Variants in ABI3BP observed in about 807,000 individuals in gnomAD.
ABI3BP encodes target of Nesh-SH3.
ABI3BP carries 216 observed loss-of-function variants against 268.6 expected under a neutral mutation model. The ratio of observed to expected loss-of-function variants is 0.80; its 90% CI spans 0.72 to 0.90. The LOEUF (loss-of-function observed/expected upper bound fraction) is 0.90. Ranked by LOEUF, ABI3BP falls within the 40% of genes least tolerant of loss-of-function variation. The pLI is 0.00. For missense variants in ABI3BP, 2,090 were observed against 2,182.4 expected (o/e 0.96, Z 0.84); for synonymous variants, 730 against 730.0 (o/e 1.00, Z 0.00).
At chr3:100,955,452 A>G (rs1274927083) in intron 1 of ABI3BP, among the ~76,000 whole-genome samples, 3 of 152,188 alleles carry the variant, frequency 2.0e-5, no homozygotes, top group African/African-American at 7.2e-5. Flanking sequence ...TGCATTTAGC[A>G]ACTATTAAAT....
intron 4 of ABI3BP, among the ~76,000 whole-genome samples, chr3:100,894,668 G>C (rs778950947): frequency 6.6e-6 from 1 of 152,030 alleles, no homozygotes; most frequent in Non-Finnish European, 1.5e-5. Context: ...GGCCGGGCGC[G>C]GTGGCTCACG....
At chr3:100,870,293 A>G (rs2099097175) in intron 9 of ABI3BP, among the ~76,000 whole-genome samples, 1 of 152,202 alleles carries the variant, frequency 6.6e-6, no homozygotes, top group African/African-American at 2.4e-5. Flanking sequence ...GTTAAGATCC[A>G]AAGTATATAA....
intron 2 of ABI3BP, among the ~76,000 whole-genome samples, chr3:100,916,783 T>C (rs574663809): frequency 6.6e-6 from 1 of 152,322 alleles, no homozygotes; most frequent in African/African-American, 2.4e-5. Flanking sequence ...TTTGTCTCCC[T>C]TTTCTTGATG....
chr3:100,808,444 T>G (rs1005557134), intron 49 of ABI3BP, among the ~76,000 whole-genome samples: 2 of 152,002 alleles, frequency 1.3e-5, no homozygotes, highest in Non-Finnish European at 2.9e-5. Context: ...ATCTAAGATG[T>G]TCAGCTGGCA....
intron 1 of ABI3BP, among the ~76,000 whole-genome samples, chr3:100,949,463 G>C (rs559755205): frequency 2.0e-5 from 3 of 151,972 alleles, no homozygotes; most frequent in Admixed American, 6.6e-5. Context: ...ATGGAGTTTC[G>C]CCACGTTGAT....
intron 62 of ABI3BP, among the ~76,000 whole-genome samples, chr3:100,769,627 T>A (rs1047027533): frequency 4.6e-5 from 7 of 152,210 alleles, no homozygotes; most frequent in African/African-American, 1.7e-4. Flanking sequence ...AGGAACTCCT[T>A]ACTAGCACAG....
chr3:100,816,803 G>A (rs1308502169), intron 42 of ABI3BP, 35 bp from the exon 43 acceptor site: 1 of 1,512,100 alleles, frequency 6.6e-7, no homozygotes, highest in Admixed American at 2.0e-5. Flanking sequence ...TCTAGTGCAG[G>A]TGGCTTTGGA....
intron 1 of ABI3BP, among the ~76,000 whole-genome samples, chr3:100,950,962 G>A (rs1383979175): frequency 1.3e-5 from 2 of 151,732 alleles, no homozygotes; most frequent in Non-Finnish European, 2.9e-5. Context: ...GATAGGATGC[G>A]CCCAAAACCT....
chr3:100,827,384 T>A (rs1191490304), intron 34 of ABI3BP, among the ~76,000 whole-genome samples: 3 of 152,060 alleles, frequency 2.0e-5, no homozygotes, highest in African/African-American at 7.2e-5. Flanking sequence ...ATTATTTCTA[T>A]CAGTGACAGG....
At chr3:100,756,473 CAT>C (rs879268948) in intron 63 of ABI3BP, among the ~76,000 whole-genome samples, 42 of 152,258 alleles carry the variant, frequency 2.8e-4, no homozygotes, top group African/African-American at 8.7e-4. Flanking sequence ...ATCACACACA[CAT>C]GGGGTATTTT....
intron 4 of ABI3BP, among the ~76,000 whole-genome samples, chr3:100,887,617 A>C (rs1051781266): frequency 3.9e-5 from 6 of 152,214 alleles, no homozygotes; most frequent in African/African-American, 1.2e-4. Flanking sequence ...CGCATTGGGT[A>C]AACTATTTTT....
rs373956209 is a variant in ABI3BP, at chr3:100,789,446, C to T, written c.4087+8G>A. 17 of 1,596,416 alleles carry T rather than the reference C, an allele frequency of 1.1e-5. No homozygotes were observed. The East Asian group carries it at 1.1e-4, about 11-fold the overall frequency. ...CTGATTATTTAAGTCATCAGAGAAACAACTTACCAGGTCTGATGTGTGGCT... is the reference window on the plus strand; with the variant it reads ...CTGATTATTTAAGTCATCAGAGAAATAACTTACCAGGTCTGATGTGTGGCT... On this transcript the variant is annotated splice_region_variant and intron_variant, in intron 56 of 67. Transcript: ENST00000471714.
At chr3:100,968,987 G>A (rs2082422277) in intron 1 of ABI3BP, among the ~76,000 whole-genome samples, 1 of 152,148 alleles carries the variant, frequency 6.6e-6, no homozygotes, top group Non-Finnish European at 1.5e-5. Flanking sequence ...TGGGCCCTTT[G>A]GGATTTGCTG....
At chr3:100,774,298 C>A (rs992427888) in intron 61 of ABI3BP, among the ~76,000 whole-genome samples, 1 of 151,996 alleles carries the variant, frequency 6.6e-6, no homozygotes, top group African/African-American at 2.4e-5. Context: ...TGCATTATTA[C>A]GAAAATGGCT....
intron 9 of ABI3BP, 109 bp downstream of exon 9, chr3:100,874,732 A>G: frequency 1.7e-6 from 1 of 596,944 alleles, no homozygotes; most frequent in South Asian, 2.9e-5. Flanking sequence ...CTACTTTTTT[A>G]CTTTGAGATC....
intron 62 of ABI3BP, among the ~76,000 whole-genome samples, chr3:100,770,165 C>T (rs2149880036): frequency 6.6e-6 from 1 of 152,300 alleles, no homozygotes. Context: ...TCTCGTTTGA[C>T]TATCCTCTTC....
chr3:100,761,234 C>A (rs777180724), intron 63 of ABI3BP, among the ~76,000 whole-genome samples: 2 of 152,108 alleles, frequency 1.3e-5, no homozygotes, highest in African/African-American at 2.4e-5. Flanking sequence ...TCTACAATTT[C>A]TTTTTATTTT....
intron 1 of ABI3BP, among the ~76,000 whole-genome samples, chr3:100,934,791 A>G (rs1281919056): frequency 2.0e-5 from 3 of 152,142 alleles, no homozygotes; most frequent in Non-Finnish European, 2.9e-5. Flanking sequence ...TCTTTTGAGA[A>G]GTGTCTGTTC....
intron 14 of ABI3BP, among the ~76,000 whole-genome samples, chr3:100,856,325 T>C (rs771324085): frequency 2.0e-5 from 3 of 152,170 alleles, no homozygotes; most frequent in Non-Finnish European, 2.9e-5. Flanking sequence ...ACAGATGCAA[T>C]TTACTCTACT....
Sources: gnomAD v4.1 joint callset for allele counts (sites outside exome capture counted in the v4.1 genomes callset) on GRCh38, gnomAD v4.1.1 for gene constraint, MANE v1.5 for transcripts, NCBI Gene and HGNC (gene_info 2026-07-23, HGNC 2026-07-21) for gene names.